The following NKAIN2 variants were observed in gnomAD, a reference collection of about 807,000 sequenced individuals.
NKAIN2 encodes the protein sodium/potassium-transporting ATPase subunit beta-1-interacting protein 2.
Under a neutral mutation model 32.6 loss-of-function variants are expected in NKAIN2, and 14 were observed. The ratio of observed to expected loss-of-function variants is 0.43; its 90% CI spans 0.28 to 0.67. NKAIN2 has a LOEUF of 0.67. Among genes scored for constraint, NKAIN2 ranks in the 30% least tolerant of loss-of-function variants. The probability of loss-of-function intolerance (pLI) is 0.17; values close to 1 mark genes in which losing one functional copy is unlikely to be tolerated. For missense variants in NKAIN2, 198 were observed against 258.3 expected (o/e 0.77, Z 1.60); for synonymous variants, 80 against 87.2 (o/e 0.92, Z 0.46).
intron 1 of NKAIN2, among the ~76,000 whole-genome samples, chr6:124,202,258 T>C (rs969849405): frequency 6.6e-6 from 1 of 152,006 alleles, no homozygotes; most frequent in East Asian, 1.9e-4. Flanking sequence ...CTTTATTCTG[T>C]AAGTCCCACT....
chr6:124,332,819 A>G (rs1048237242), intron 2 of NKAIN2, among the ~76,000 whole-genome samples: 3 of 152,220 alleles, frequency 2.0e-5, no homozygotes, highest in Non-Finnish European at 4.4e-5. Context: ...GACTTGTTAT[A>G]TGAGAAAAGT....
intron 1 of NKAIN2, among the ~76,000 whole-genome samples, chr6:124,051,792 T>C (rs2114835283): frequency 6.6e-6 from 1 of 152,172 alleles, no homozygotes; most frequent in Non-Finnish European, 1.5e-5. Context: ...TTGGTCTCTC[T>C]AGAAGCATTG....
chr6:124,081,889 G>T (rs1450357008), intron 1 of NKAIN2, among the ~76,000 whole-genome samples: 1 of 151,746 alleles, frequency 6.6e-6, no homozygotes, highest in Admixed American at 6.6e-5. Flanking sequence ...AATATTCTTA[G>T]CAACAATCAT....
At chr6:124,684,585 A>G (rs936236554) in intron 4 of NKAIN2, among the ~76,000 whole-genome samples, 9 of 152,302 alleles carry the variant, frequency 5.9e-5, no homozygotes, top group African/African-American at 2.2e-4. Context: ...CATAAAACAT[A>G]TAAAAACCCA....
chr6:123,940,610 A>G (rs1414991042), intron 1 of NKAIN2, among the ~76,000 whole-genome samples: 2 of 152,030 alleles, frequency 1.3e-5, no homozygotes, highest in African/African-American at 4.8e-5. Context: ...ATAAGTATGT[A>G]TGTATCCTGT....
At chr6:124,425,810 G>A (rs1010864691) in intron 3 of NKAIN2, among the ~76,000 whole-genome samples, 2 of 152,078 alleles carry the variant, frequency 1.3e-5, no homozygotes, top group East Asian at 1.9e-4. Context: ...AATAACAAGT[G>A]TTGGAGGGTA....
intron 3 of NKAIN2, among the ~76,000 whole-genome samples, chr6:124,475,339 G>C (rs932844343): frequency 2.6e-5 from 4 of 151,954 alleles, no homozygotes; most frequent in African/African-American, 9.7e-5. Context: ...TTAACACATT[G>C]GTACTTATGC....
chr6:123,976,398 T>TATATATATATATTCCC (rs1778636002), intron 1 of NKAIN2, among the ~76,000 whole-genome samples: 1 of 61,662 alleles, frequency 1.6e-5, no homozygotes, highest in South Asian at 5.4e-4. Context: ...TATATATATA[T>TATATATATATATTCCC]ATATATATAT....
chr6:124,077,123 A>T (rs1783730665), intron 1 of NKAIN2, among the ~76,000 whole-genome samples: 1 of 152,190 alleles, frequency 6.6e-6, no homozygotes. Flanking sequence ...TTTCTTGATA[A>T]ACCAAGGCCA....
At chr6:124,747,731 G>A (rs1243353422) in intron 4 of NKAIN2, among the ~76,000 whole-genome samples, 1 of 151,694 alleles carries the variant, frequency 6.6e-6, no homozygotes, top group Non-Finnish European at 1.5e-5. Flanking sequence ...GGGCCCACAA[G>A]AGAAATGGAG....
chr6:124,293,826 CA>C (rs1446418913), intron 2 of NKAIN2, among the ~76,000 whole-genome samples: 5 of 151,974 alleles, frequency 3.3e-5, no homozygotes, highest in Admixed American at 1.3e-4. Context: ...CAGATAATAT[CA>C]AAACACCTCA....
At chr6:124,498,463 G>A (rs1444271451) in intron 3 of NKAIN2, among the ~76,000 whole-genome samples, 2 of 152,126 alleles carry the variant, frequency 1.3e-5, no homozygotes, top group African/African-American at 4.8e-5. Flanking sequence ...TTAGCATACA[G>A]AAACGTTGTG....
chr6:124,112,158 A>G (rs964421388), intron 1 of NKAIN2, among the ~76,000 whole-genome samples: 1 of 152,062 alleles, frequency 6.6e-6, no homozygotes, highest in African/African-American at 2.4e-5. Context: ...AACCAGTTTT[A>G]TACTTTCTTA....
At chr6:124,261,806 G>C (rs1202234379) in intron 1 of NKAIN2, among the ~76,000 whole-genome samples, 2 of 150,504 alleles carry the variant, frequency 1.3e-5, no homozygotes, top group Admixed American at 1.3e-4. Context: ...ATTGCAGTGA[G>C]CCAAGATCAC....
chr6:124,410,813 A>G (rs1230398234), intron 3 of NKAIN2, among the ~76,000 whole-genome samples: 2 of 151,978 alleles, frequency 1.3e-5, no homozygotes, highest in African/African-American at 2.4e-5. Flanking sequence ...TCCCATTATT[A>G]TTGTGTGGGA....
chr6:123,900,243 G>A (rs1197133389), intron 1 of NKAIN2, among the ~76,000 whole-genome samples: 5 of 151,982 alleles, frequency 3.3e-5, no homozygotes, highest in Admixed American at 6.6e-5. Context: ...AGGCTGAGGC[G>A]GGCGGATCAT....
intron 4 of NKAIN2, among the ~76,000 whole-genome samples, chr6:124,772,132 A>G (rs1778784919): frequency 6.6e-6 from 1 of 152,228 alleles, no homozygotes; most frequent in Non-Finnish European, 1.5e-5. Flanking sequence ...AAGATCACTC[A>G]GAAGCATTGT....
intron 1 of NKAIN2, among the ~76,000 whole-genome samples, chr6:124,215,187 A>G (rs1288580885): frequency 6.6e-6 from 1 of 152,182 alleles, no homozygotes; most frequent in Non-Finnish European, 1.5e-5. Flanking sequence ...TTGGCCATTT[A>G]TATTTTAAAA....
chr6:123,978,709 A>G lies in NKAIN2; in HGVS notation c.54+174455A>G, dbSNP rs185131862. ...TGTGTGTGTGTATGGGTGAGTAAAC[A>G]CACACACACATATTAGACACTCACA... On this transcript the variant is annotated intron_variant, in intron 1 of 6. Transcript: ENST00000368417. Among the ~76,000 whole-genome samples, 498 of 152,158 alleles carry G rather than the reference A, an allele frequency of 3.3e-3. 1 individual carries two copies. Among genetic ancestry groups the G allele is most frequent in the Non-Finnish European group, 5.7e-3 (390 of 67,942 alleles).
Sources: allele counts gnomAD v4.1 joint callset (sites outside exome capture counted in the v4.1 genomes callset), GRCh38; gene constraint gnomAD v4.1.1; transcripts MANE v1.5; gene names NCBI Gene and HGNC (gene_info 2026-07-23, HGNC 2026-07-21).